SEMA4A: variants seen among roughly 807,000 people sequenced by gnomAD.
SEMA4A encodes the protein semaphorin 4A, also known as semaphorin-4A.
A neutral mutation model predicts 72.5 loss-of-function variants in SEMA4A; 52 were observed. The ratio of observed to expected loss-of-function variants is 0.72; its 90% CI spans 0.57 to 0.90. The LOEUF is 0.90. SEMA4A is among the 40% of genes least tolerant of loss of function. The pLI is 0.00. For synonymous variants in SEMA4A, 369 were observed against 393.1 expected (o/e 0.94, Z 0.73); for missense variants, 926 against 959.7 (o/e 0.96, Z 0.46).
At chr1:156,164,244 C>A (rs930312032) in intron 10 of SEMA4A, among the ~76,000 whole-genome samples, 1 of 152,106 alleles carries the variant, frequency 6.6e-6, no homozygotes, top group African/African-American at 2.4e-5. Flanking sequence ...CAACCATTTT[C>A]AACTCTTTTA....
chr1:156,156,508 G>T lies in SEMA4A; in HGVS notation c.234G>T (p.Val78=), dbSNP rs753217222. The T allele has an allele frequency of 1.9e-6, 3 of 1,614,066 alleles. No individual in the cohort carries two copies. The highest frequency in any genetic ancestry group is 2.5e-6 in the Non-Finnish European group (3 of 1,180,020). ...GTGGTGATGGAAATACTCTCTACGTGGGGGCTCGAGAAGCCATTCTGGCCT... is the reference window on the plus strand; with the variant it reads ...GTGGTGATGGAAATACTCTCTACGTTGGGGCTCGAGAAGCCATTCTGGCCT... ...LLSGDGNTLY[V]GAREAILALD... is the part of the protein sequence containing the mutation. Residue 78 remains valine (V), a synonymous_variant, in exon 3 of 15, where the codon GTG becomes GTT. Coordinates refer to ENST00000368285, the MANE Select transcript of SEMA4A (RefSeq NM_022367.4).
At chr1:156,148,794 CTTTTTTCTTTTTT>C (rs1457162345), upstream of SEMA4A, among the ~76,000 whole-genome samples, 1 of 144,570 alleles carries the variant, frequency 6.9e-6, no homozygotes, top group Admixed American at 6.8e-5. Flanking sequence ...GGGGCTTTTT[CTTTTTTCTTTTTT>C]TTTTTTTTTT....
chr1:156,159,984 T>C (rs1046259836), intron 6 of SEMA4A, among the ~76,000 whole-genome samples: 25 of 150,676 alleles, frequency 1.7e-4, no homozygotes, highest in African/African-American at 4.4e-4. Context: ...CACCAACCAT[T>C]ACAGACTTCC....
rs549265221 is a variant in SEMA4A at position 156,176,930 on chromosome 1, A to G, written c.2219A>G (p.Lys740Arg). 2.5e-5 allele frequency: 40 copies of G among 1,614,142 alleles called. No homozygotes were observed. Among genetic ancestry groups the G allele is most frequent in the Middle Eastern group, 3.3e-4 (2 of 6,062 alleles). ...LSREQHLQSP[K>R]ECRTSASDVD... Reference sequence around the variant, plus strand: ...AGAGAGCAACACCTCCAGTCTCCCAAGGAATGCAGGACCTCTGCCAGTGAT... The same window carrying G: ...AGAGAGCAACACCTCCAGTCTCCCAGGGAATGCAGGACCTCTGCCAGTGAT... Residue 740 changes from lysine to arginine, a missense_variant, in exon 15 of 15, where the codon AAG (lysine) becomes AGG (arginine). Lys to Arg is a conservative substitution (Grantham distance 26). Transcript: ENST00000368285.
chr1:156,168,275 G>A (rs1397759476), intron 10 of SEMA4A, among the ~76,000 whole-genome samples: 1 of 151,720 alleles, frequency 6.6e-6, no homozygotes, highest in Non-Finnish European at 1.5e-5. Flanking sequence ...AGGCTGGGGT[G>A]CAGTGGCACG....
In SEMA4A at chr1:156,163,986, C is replaced by T. The variant is rs557289871; in HGVS notation, c.1134+892C>T. Among the ~76,000 whole-genome samples the T allele has an allele frequency of 3.4e-5, 5 of 146,218 alleles. 1 individual carries two copies. Among genetic ancestry groups the T allele is most frequent in the South Asian group, 4.3e-4 (2 of 4,682 alleles). On this transcript the variant is annotated intron_variant, in intron 10 of 14. Coordinates refer to ENST00000368285, the MANE Select transcript of SEMA4A (RefSeq NM_022367.4). ...TCAAGGCTGCAGTAAGCTATGATCA[C>T]GAGAATGCACTCCAGCCTGGGTGAC...
intron 12 of SEMA4A, 52 bp from the exon 13 acceptor site, chr1:156,175,034 G>A: frequency 6.2e-7 from 1 of 1,614,158 alleles, no homozygotes; most frequent in Non-Finnish European, 8.5e-7. Context: ...AGCGTGCTGG[G>A]ACTTTACTAG....
At position 156,158,114 on chromosome 1, in the gene SEMA4A, T is replaced by A; in HGVS notation, c.345T>A (p.Phe115Leu). 6.2e-7 allele frequency: 1 copy of A among 1,614,186 alleles called. No individual in the cohort carries two copies. Among genetic ancestry groups the A allele is most frequent in the Non-Finnish European group, 8.5e-7 (1 of 1,180,036 alleles). Residue 115 changes from phenylalanine (F) to leucine (L), a missense_variant, in exon 4 of 15, where the codon TTT (phenylalanine) becomes TTA (leucine). By Grantham distance (22) the Phe-to-Leu change is conservative. Transcript: ENST00000368285. ...ASDRKKSECA[F>L]KKKSNETQCF... is the part of the protein sequence containing the mutation. ...ACAGAAAAAAGAGTGAATGTGCCTT[T>A]AAGAAGAAGAGCAATGAGGTAAGTG...
intron 2 of SEMA4A, 178 bp downstream of exon 2, chr1:156,154,895 T>G: frequency 1.2e-6 from 1 of 828,354 alleles, no homozygotes. Flanking sequence ...GAAACAGAAG[T>G]CCAAAAGGAA....
chr1:156,156,247 T>G (rs1653011422), intron 2 of SEMA4A, 167 bp from the exon 3 acceptor site: 2 of 686,056 alleles, frequency 2.9e-6, no homozygotes, highest in Admixed American at 4.1e-5. Flanking sequence ...CGCTCTTGTG[T>G]TGGGGTGGGG....
At chr1:156,162,726 C>A (rs1381267472) in intron 9 of SEMA4A, among the ~76,000 whole-genome samples, 2 of 152,234 alleles carry the variant, frequency 1.3e-5, no homozygotes, top group African/African-American at 4.8e-5. Context: ...CTTCAGATCC[C>A]AAGATGGGCC....
chr1:156,161,203 A>C, intron 8 of SEMA4A, 143 bp from the exon 9 acceptor site: 1 of 358,766 alleles, frequency 2.8e-6, no homozygotes, highest in Non-Finnish European at 4.6e-6. Flanking sequence ...GCGGGGGACA[A>C]GCGTGGCTGA....
At chr1:156,155,817 T>A (rs1040426227) in intron 2 of SEMA4A, 1 of 172,890 alleles carries the variant, frequency 5.8e-6, no homozygotes, top group Non-Finnish European at 1.3e-5. Context: ...GCCAAGGTCA[T>A]GGAGAGGACC....
chr1:156,154,487 G>A (rs1398859510), intron 1 of SEMA4A, 63 bp from the exon 2 acceptor site: 1 of 1,460,934 alleles, frequency 6.8e-7, no homozygotes, highest in African/African-American at 1.4e-5. Flanking sequence ...TCTCCTATTG[G>A]TCCTCGGGGG....
At chr1:156,168,048 G>A (rs183740278) in intron 10 of SEMA4A, among the ~76,000 whole-genome samples, 206 of 152,174 alleles carry the variant, frequency 1.4e-3, no homozygotes, top group African/African-American at 4.9e-3. Context: ...AGACTCCTGA[G>A]TAGCTGGGAT....
rs762781654 is a variant in SEMA4A, at chr1:156,175,581, C to A, written c.1618C>A (p.Arg540=). Residue 540 remains arginine (R), a synonymous_variant, in exon 14 of 15, where the codon CGG becomes AGG. Transcript: ENST00000368285. ...NLNSWKQDME[R]GNPEWACASG... is the part of the protein sequence containing the mutation. ...GAACTCCTGGAAGCAGGACATGGAG[C>A]GGGGGAACCCAGAGTGGGCATGTGC... 1.9e-6 allele frequency: 3 copies of A among 1,613,522 alleles called. No individual in the cohort carries two copies. Among genetic ancestry groups the A allele is most frequent in the Non-Finnish European group, 2.5e-6 (3 of 1,179,692 alleles).
At chr1:156,165,907 C>CTTTTTTTTTTTTTTTT (rs71080751) in intron 10 of SEMA4A, among the ~76,000 whole-genome samples, 1 of 112,948 alleles carries the variant, frequency 8.9e-6, no homozygotes, top group African/African-American at 3.6e-5. Flanking sequence ...TTCCTATCTT[C>CTTTTTTTTTTTTTTTT]TTTTTTTTTT....
At position 156,176,668 on chromosome 1, in the gene SEMA4A, C is replaced by A. The variant is rs1655366333; in HGVS notation, c.1957C>A (p.Leu653Met). ...CCAGACCCTGGCCCTGGATCCTGAA[C>A]TGGCAGGCATCCCCCGGGAGCATGT... ...QDQTLALDPE[L>M]AGIPREHVKV... Residue 653 changes from leucine (L) to methionine (M), a missense_variant, in exon 15 of 15, where the codon CTG becomes ATG. Coordinates refer to ENST00000368285, the MANE Select transcript of SEMA4A (RefSeq NM_022367.4). 11 of 1,614,114 alleles carry A rather than the reference C, an allele frequency of 6.8e-6. No individual in the cohort carries two copies. The highest frequency in any genetic ancestry group is 8.5e-6 in the Non-Finnish European group (10 of 1,180,040).
Position 156,173,021 on chromosome 1 carries a change from C to G in SEMA4A, c.1315+15C>G. The G allele has an allele frequency of 6.2e-7, 1 of 1,612,430 alleles. No homozygotes were observed. Among genetic ancestry groups the G allele is most frequent in the Non-Finnish European group, 8.5e-7 (1 of 1,179,030 alleles). On this transcript the variant is annotated intron_variant, in intron 11 of 14. Coordinates refer to ENST00000368285, the MANE Select transcript of SEMA4A (RefSeq NM_022367.4). ...CCTGGGAACCAGTGAGTAAAGAGTT[C>G]CGGGACATCCCCCAGAGGACTAGAG...
Sources: gnomAD v4.1 joint callset for allele counts (sites outside exome capture counted in the v4.1 genomes callset) on GRCh38, gnomAD v4.1.1 for gene constraint, MANE v1.5 for transcripts, NCBI Gene and HGNC (gene_info 2026-07-23, HGNC 2026-07-21) for gene names.